The following ROBO1 variants were observed in gnomAD, a reference collection of about 807,000 sequenced individuals.
ROBO1 encodes roundabout guidance receptor 1, also known as roundabout homolog 1.
In ROBO1, 149 loss-of-function variants were observed where a neutral mutation model predicts 195.9. The observed-to-expected ratio is 0.76, with a 90% CI of 0.67 to 0.87. The LOEUF (loss-of-function observed/expected upper bound fraction) is 0.87, where lower values mean the gene tolerates loss of function less well. Among genes scored for constraint, ROBO1 ranks in the 40% least tolerant of loss-of-function variants. The pLI is 0.00. For missense variants in ROBO1, 1,933 were observed against 2,068.3 expected, an observed-to-expected ratio of 0.93 and a Z score of 1.27; for synonymous variants, 816 against 733.2, an observed-to-expected ratio of 1.11 and a Z score of -1.82.
intron 5 of ROBO1, among the ~76,000 whole-genome samples, chr3:78,734,921 G>A (rs959557394): frequency 2.6e-5 from 4 of 152,018 alleles, no homozygotes; most frequent in South Asian, 2.1e-4. Context: ...GTCAGTTTAC[G>A]TAAAGATATA....
At chr3:78,658,605 T>C (rs1455106635) in intron 17 of ROBO1, among the ~76,000 whole-genome samples, 1 of 152,252 alleles carries the variant, frequency 6.6e-6, no homozygotes, top group African/African-American at 2.4e-5. Flanking sequence ...TTCCTTATGA[T>C]GTTCTCAAGC....
At chr3:78,746,941 G>A (rs1309890608) in intron 4 of ROBO1, 41 bp from the exon 5 acceptor site, 10 of 1,380,000 alleles carry the variant, frequency 7.2e-6, no homozygotes, top group East Asian at 4.9e-5. Context: ...AAAAGTGATA[G>A]ATACAGTCCT....
At chr3:79,149,379 G>T (rs1473130647) in intron 2 of ROBO1, among the ~76,000 whole-genome samples, 3 of 151,110 alleles carry the variant, frequency 2.0e-5, no homozygotes, top group African/African-American at 7.3e-5. Flanking sequence ...ATCTATTTTT[G>T]CATGTTGTGT....
chr3:79,184,337 G>C (rs902195777), intron 2 of ROBO1, among the ~76,000 whole-genome samples: 1 of 152,124 alleles, frequency 6.6e-6, no homozygotes, highest in Non-Finnish European at 1.5e-5. Context: ...AGGTCTTTCC[G>C]GGCTTTGAAA....
At chr3:78,926,997 AG>A (rs1416872814) in intron 4 of ROBO1, among the ~76,000 whole-genome samples, 1 of 152,132 alleles carries the variant, frequency 6.6e-6, no homozygotes, top group African/African-American at 2.4e-5. Context: ...CAAAAAAAAA[AG>A]GTCAACTATG....
At chr3:78,860,496 AAG>A (rs765619352) in intron 4 of ROBO1, among the ~76,000 whole-genome samples, 3 of 151,828 alleles carry the variant, frequency 2.0e-5, no homozygotes, top group South Asian at 4.2e-4. Context: ...CCAGGAGACT[AAG>A]AGAGATGACC....
chr3:79,749,534 C>T (rs1295374406), intron 1 of ROBO1, among the ~76,000 whole-genome samples: 7 of 152,182 alleles, frequency 4.6e-5, no homozygotes, highest in African/African-American at 1.7e-4. Flanking sequence ...CCTTCCATCA[C>T]AGGCCTGGAG....
intron 3 of ROBO1, among the ~76,000 whole-genome samples, chr3:78,941,437 T>C (rs1330824507): frequency 6.6e-6 from 1 of 152,214 alleles, no homozygotes; most frequent in Non-Finnish European, 1.5e-5. Flanking sequence ...TTACCTTGGC[T>C]GGAATTCTGA....
chr3:79,014,839 T>G (rs1265129366), intron 3 of ROBO1, among the ~76,000 whole-genome samples: 3 of 152,232 alleles, frequency 2.0e-5, no homozygotes, highest in Non-Finnish European at 4.4e-5. Flanking sequence ...AAGTATCACC[T>G]TAACATCTTT....
At chr3:78,650,326 G>A (rs1041058562) in intron 19 of ROBO1, among the ~76,000 whole-genome samples, 4 of 151,982 alleles carry the variant, frequency 2.6e-5, no homozygotes, top group Admixed American at 1.3e-4. Context: ...TTCATCCCTA[G>A]AGAGGACACA....
At chr3:78,625,274 A>C (rs1200909797) in intron 26 of ROBO1, among the ~76,000 whole-genome samples, 2 of 152,220 alleles carry the variant, frequency 1.3e-5, no homozygotes, top group East Asian at 3.8e-4. Context: ...CATTTGTAGA[A>C]TGCTAGGAAA....
intron 2 of ROBO1, among the ~76,000 whole-genome samples, chr3:79,382,710 C>A (rs1043735920): frequency 1.3e-5 from 2 of 152,106 alleles, no homozygotes; most frequent in African/African-American, 4.8e-5. Flanking sequence ...TCTCAATTTA[C>A]ATCCTGAAGT....
At chr3:79,261,787 T>A (rs2082942192) in intron 2 of ROBO1, among the ~76,000 whole-genome samples, 1 of 152,190 alleles carries the variant, frequency 6.6e-6, no homozygotes, top group South Asian at 2.1e-4. Flanking sequence ...GAATGTCAAG[T>A]CAAATACTAT....
At chr3:79,081,546 C>G (rs144047906) in intron 3 of ROBO1, among the ~76,000 whole-genome samples, 2 of 152,272 alleles carry the variant, frequency 1.3e-5, no homozygotes, top group East Asian at 3.9e-4. Flanking sequence ...GGGATTCTAA[C>G]AGTTTTAATG....
intron 3 of ROBO1, among the ~76,000 whole-genome samples, chr3:79,028,086 G>A (rs1234428929): frequency 2.0e-5 from 3 of 151,998 alleles, no homozygotes; most frequent in Non-Finnish European, 4.4e-5. Context: ...CATACTAAAA[G>A]TAGTATGGCT....
intron 2 of ROBO1, among the ~76,000 whole-genome samples, chr3:79,293,920 T>G (rs896801078): frequency 2.0e-5 from 3 of 149,748 alleles, no homozygotes; most frequent in Non-Finnish European, 4.5e-5. Flanking sequence ...TAGCCGGGCG[T>G]GGTAGCGGGC....
At chr3:79,161,458 A>G (rs2080964805) in intron 2 of ROBO1, among the ~76,000 whole-genome samples, 1 of 152,098 alleles carries the variant, frequency 6.6e-6, no homozygotes, top group Non-Finnish European at 1.5e-5. Flanking sequence ...ATAATAGCCT[A>G]TGCACTTGAG....
chr3:78,772,067 A>T (rs542429477), intron 4 of ROBO1, among the ~76,000 whole-genome samples: 1 of 152,286 alleles, frequency 6.6e-6, no homozygotes, highest in East Asian at 1.9e-4. Context: ...AAAACCATAT[A>T]CAAACAGATG....
intron 4 of ROBO1, among the ~76,000 whole-genome samples, chr3:78,871,497 G>A: frequency 6.6e-6 from 1 of 152,068 alleles, no homozygotes; most frequent in Middle Eastern, 3.2e-3. Context: ...ACAAGATGAT[G>A]TTGTGTGTGT....
Sources: allele counts gnomAD v4.1 joint callset (sites outside exome capture counted in the v4.1 genomes callset), GRCh38; gene constraint gnomAD v4.1.1; transcripts MANE v1.5; gene names NCBI Gene and HGNC (gene_info 2026-07-23, HGNC 2026-07-21).